CFAP298: variants seen among roughly 807,000 people sequenced by gnomAD.
The protein encoded by CFAP298 is cilia and flagella associated protein 298.
CFAP298 carries 38 observed loss-of-function variants against 41.0 expected under a neutral mutation model. The observed-to-expected ratio is 0.93, with a 90% CI of 0.72 to 1.22. The LOEUF is 1.22. Ranked by LOEUF, CFAP298 falls within the 50% of genes most tolerant of loss-of-function variation. The pLI, the probability that CFAP298 is intolerant of heterozygous loss-of-function variation, is 0.00. For missense variants in CFAP298, 348 were observed against 360.3 expected (o/e 0.97, Z 0.28); for synonymous variants, 137 against 135.3 (o/e 1.01, Z -0.09).
chr21:32,605,473 C>T (rs942225730), intron 3 of CFAP298, among the ~76,000 whole-genome samples: 5 of 152,186 alleles, frequency 3.3e-5, no homozygotes, highest in Non-Finnish European at 7.3e-5. Context: ...TTGGAGCTTT[C>T]GGCCTCACTC....
At chr21:32,604,801 CTCT>C (rs549538746) in intron 3 of CFAP298, among the ~76,000 whole-genome samples, 76 of 152,356 alleles carry the variant, frequency 5.0e-4, no homozygotes, top group African/African-American at 1.7e-3. Context: ...TTCACCTTTC[CTCT>C]GTTAGGCCAC....
chr21:32,606,261 GGTTGGAAGTGAAGCAA>G (rs1239263046), intron 3 of CFAP298, among the ~76,000 whole-genome samples: 2 of 152,174 alleles, frequency 1.3e-5, no homozygotes, highest in Non-Finnish European at 2.9e-5. Context: ...TGGAAATTCA[GGTTGGAAGTGAAGCAA>G]GATGTCAGGG....
Position 32,607,697 on chromosome 21 carries a change from C to T in CFAP298, c.327G>A (p.Lys109=). Residue 109 remains lysine, a synonymous_variant, in exon 3 of 7, where the codon AAG becomes AAA. Transcript: ENST00000290155. ...CTTCTATAGTCTTCTTTAACACTTG[C>T]TTCATCTTCTCATTTGGAGCTATAA... ...RNGQAPNEKM[K]QVLKKTIEEA... 3.1e-6 allele frequency: 5 copies of T among 1,597,938 alleles called. No individual in the cohort carries two copies. Among genetic ancestry groups the T allele is most frequent in the Non-Finnish European group, 3.4e-6 (4 of 1,169,338 alleles).
At chr21:32,602,890 T>C in intron 5 of CFAP298, 1 of 1,347,816 alleles carries the variant, frequency 7.4e-7, no homozygotes, top group Non-Finnish European at 9.8e-7. Flanking sequence ...CATATCTGTT[T>C]ACTTGCAGCC....
intron 3 of CFAP298, among the ~76,000 whole-genome samples, chr21:32,605,204 G>A (rs942194336): frequency 5.9e-5 from 9 of 152,210 alleles, no homozygotes; most frequent in Admixed American, 6.5e-5. Flanking sequence ...CCTAGTTGGA[G>A]GGAGACCAGG....
rs542809465 is a variant in CFAP298, at chr21:32,601,779, G to A, written c.*84C>T. On this transcript the variant is annotated 3_prime_UTR_variant, in exon 7 of 7. Transcript: ENST00000290155. ...TAACATCTTTTACAGAGGGCAGTAA[G>A]TGGCCTTTTTTTTTTTTTTAAATTA... is the stretch of plus-strand genomic sequence containing the variant. The A allele has an allele frequency of 1.6e-5, 12 of 728,156 alleles. No homozygotes were observed. The highest frequency in any genetic ancestry group is 1.3e-4 in the African/African-American group (7 of 55,654). The allele number at this position is 728,156 out of a possible 1,614,324, so 45.1% of individuals were successfully genotyped here.
rs899930240 is a variant in CFAP298 at position 32,600,708 on chromosome 21, A to G, written c.*1155T>C. On this transcript the variant is annotated 3_prime_UTR_variant, in exon 7 of 7. Coordinates refer to ENST00000290155, the MANE Select transcript of CFAP298 (RefSeq NM_021254.4). ...GTGTCCTAGATACTCAGTTAGGATG[A>G]TAGTGATCCCATCCATCCCGTGGTT... is the stretch of plus-strand genomic sequence containing the variant. Among the ~76,000 whole-genome samples the G allele has an allele frequency of 3.9e-5, 6 of 152,222 alleles. No homozygotes were observed. Among genetic ancestry groups the G allele is most frequent in the Admixed American group, 2.6e-4 (4 of 15,288 alleles).
intron 3 of CFAP298, 62 bp downstream of exon 3, chr21:32,607,587 C>T: frequency 9.8e-7 from 1 of 1,023,428 alleles, no homozygotes; most frequent in Admixed American, 2.2e-5. Context: ...AAGCAAAATT[C>T]CATCTCCAAA....
rs201397350 is a variant in CFAP298, at chr21:32,603,208, A to T, written c.619T>A (p.Tyr207Asn). The T allele has an allele frequency of 6.2e-7, 1 of 1,614,204 alleles. No homozygotes were observed. Among genetic ancestry groups the T allele is most frequent in the Admixed American group, 1.7e-5 (1 of 60,026 alleles). The change falls in exon 5 of 7, where the codon TAC becomes AAC. Residue 207 changes from tyrosine (Y) to asparagine (N), a missense_variant. Transcript: ENST00000290155. Reference protein sequence around the residue: ...ELRRTKKLSDYVGKNEKTKII... With the variant: ...ELRRTKKLSDNVGKNEKTKII... ...TTGGTTTTTTCATTCTTCCCCACGT[A>T]GTCTGAAAGCTTCTTCGTTCTTCTC...
At chr21:32,604,660 G>A in intron 3 of CFAP298, 1 of 217,616 alleles carries the variant, frequency 4.6e-6, no homozygotes, top group Non-Finnish European at 9.2e-6. Context: ...GGTGCTTCAG[G>A]ACAAGCTGAA....
rs1200621516 is a variant in CFAP298, at chr21:32,599,454, T to C, written c.*2409A>G. ...CAAAGGACAAAACCACAGACCTAGATGGGCACCGTGCATACAGCAGACACT... is the reference window on the plus strand; with the variant it reads ...CAAAGGACAAAACCACAGACCTAGACGGGCACCGTGCATACAGCAGACACT... On this transcript the variant is annotated 3_prime_UTR_variant, in exon 7 of 7. Transcript: ENST00000290155. Among the ~76,000 whole-genome samples the C allele has an allele frequency of 1.3e-5, 2 of 152,170 alleles. No homozygotes were observed. Among genetic ancestry groups the C allele is most frequent in the Admixed American group, 1.3e-4 (2 of 15,276 alleles).
chr21:32,603,157 T>C lies in CFAP298; in HGVS notation c.666+4A>G. ...ACTGACACATTAAAGCAAAAAGTAC[T>C]TACTTGCTGAATCTTGGCGATAATT... On this transcript the variant is annotated splice_donor_region_variant and intron_variant, in intron 5 of 6. Transcript: ENST00000290155. 1 of 1,614,198 alleles carries C rather than the reference T, an allele frequency of 6.2e-7. No individual in the cohort carries two copies. The highest frequency in any genetic ancestry group is 8.5e-7 in the Non-Finnish European group (1 of 1,180,004).
intron 1 of CFAP298, among the ~76,000 whole-genome samples, chr21:32,611,318 C>CATATATATATAT (rs71193198): frequency 1.7e-5 from 2 of 114,850 alleles, no homozygotes; most frequent in Middle Eastern, 4.4e-3. Flanking sequence ...ACACACATAC[C>CATATATATATAT]ATATATATAT....
Position 32,600,965 on chromosome 21 carries a change from C to T in CFAP298, c.*898G>A, listed in dbSNP as rs2038723929. ...CCAGAATACAAGGCCAGAGAGGCAC[C>T]AACCAGGAGGCAAACTTCACCTTCA... is the stretch of plus-strand genomic sequence containing the variant. On this transcript the variant is annotated 3_prime_UTR_variant, in exon 7 of 7. Coordinates refer to ENST00000290155, the MANE Select transcript of CFAP298 (RefSeq NM_021254.4). Among the ~76,000 whole-genome samples the T allele has an allele frequency of 6.6e-6, 1 of 152,216 alleles. No homozygotes were observed. Among genetic ancestry groups the T allele is most frequent in the African/African-American group, 2.4e-5 (1 of 41,466 alleles).
At chr21:32,605,410 G>A (rs8133136) in intron 3 of CFAP298, among the ~76,000 whole-genome samples, 2,354 of 152,268 alleles carry the variant, frequency 0.015, 66 homozygotes, top group African/African-American at 0.054. Context: ...TCCGCGCTGG[G>A]TTTCAAGGAA....
chr21:32,610,809 C>T (rs1300374796), intron 1 of CFAP298, among the ~76,000 whole-genome samples: 1 of 152,044 alleles, frequency 6.6e-6, no homozygotes, highest in Non-Finnish European at 1.5e-5. Flanking sequence ...TAATAAATCA[C>T]ATATTCATGC....
chr21:32,610,546 ATACAT>A lies in CFAP298; in HGVS notation c.140-546_140-542del, dbSNP rs1312954845. Among the ~76,000 whole-genome samples, 3 of 152,338 alleles carry A rather than the reference ATACAT, an allele frequency of 2.0e-5. No individual in the cohort carries two copies. In the East Asian group the frequency reaches 5.8e-4, roughly 29 times the overall value. On this transcript the variant is annotated intron_variant, in intron 1 of 6. Coordinates refer to ENST00000290155, the MANE Select transcript of CFAP298 (RefSeq NM_021254.4). ...AAGGCTGAGCACTGGTGCAGAATAA[ATACAT>A]GAATTTTCAGTTCACTAATGTGACT...
chr21:32,606,338 G>C (rs1277265059), intron 3 of CFAP298, among the ~76,000 whole-genome samples: 1 of 152,172 alleles, frequency 6.6e-6, no homozygotes, highest in Non-Finnish European at 1.5e-5. Flanking sequence ...ATTTGCATTT[G>C]GCAGAGTAGA....
chr21:32,601,123 G>T lies in CFAP298; in HGVS notation c.*740C>A, dbSNP rs576816914. On this transcript the variant is annotated 3_prime_UTR_variant, in exon 7 of 7. Coordinates refer to ENST00000290155, the MANE Select transcript of CFAP298 (RefSeq NM_021254.4). ...GGGTTAGAGAAGTCTCTCCAGCAAG[G>T]CTGGGAGTTCAGCTTCCAATAGATC... is the stretch of plus-strand genomic sequence containing the variant. Among the ~76,000 whole-genome samples, 21 of 152,180 alleles carry T rather than the reference G, an allele frequency of 1.4e-4. No individual in the cohort carries two copies. Among genetic ancestry groups the T allele is most frequent in the African/African-American group, 4.6e-4 (19 of 41,506 alleles).
Sources: allele counts gnomAD v4.1 joint callset (sites outside exome capture counted in the v4.1 genomes callset), GRCh38; gene constraint gnomAD v4.1.1; transcripts MANE v1.5; gene names NCBI Gene and HGNC (gene_info 2026-07-23, HGNC 2026-07-21).